Variants in ERCC6L2 observed in about 807,000 individuals in gnomAD.
ERCC6L2 encodes the protein ERCC excision repair 6 like 2, also known as DNA excision repair protein ERCC-6-like 2.
Under a neutral mutation model 132.0 loss-of-function variants are expected in ERCC6L2, and 77 were observed. That is an observed-to-expected ratio of 0.58 (90% CI 0.49 to 0.71). The LOEUF (loss-of-function observed/expected upper bound fraction) is 0.71, where lower values mean the gene tolerates loss of function less well. Ranked by LOEUF, ERCC6L2 falls within the 30% of genes least tolerant of loss-of-function variation. The pLI, the probability that ERCC6L2 is intolerant of heterozygous loss-of-function variation, is 0.00. For synonymous variants in ERCC6L2, 583 were observed against 632.4 expected (o/e 0.92, Z 1.17); for missense variants, 1,542 against 1,837.6 (o/e 0.84, Z 2.94).
rs1420521103 is a variant in ERCC6L2, at chr9:95,923,379, G to C, written c.1533G>C (p.Lys511Asn). The change falls in exon 9 of 19, where the codon AAG (lysine) becomes AAC (asparagine). Residue 511 changes from lysine to asparagine, a missense_variant and splice_region_variant. Lys to Asn is a moderately conservative substitution (Grantham distance 94, BLOSUM62 0). Transcript: ENST00000653738. ...ACCCTAAATACAGTGGAAAAATGAA[G>C]GTAAGTGCTCCTCTTTCAGGTTGCA... ...LSDPKYSGKM[K>N]VLQQLLNHCR... The C allele has an allele frequency of 3.1e-6, 5 of 1,612,636 alleles. No homozygotes were observed. The Admixed American group carries it at 8.3e-5, about 27-fold the overall frequency.
chr9:95,913,394 A>C lies in ERCC6L2; in HGVS notation c.789-2274A>C, dbSNP rs529306478. ...CTAATTTTTGGAGTAAGAAGTTAGC[A>C]TAATGGTCATCTACAATGGTGGCAA... On this transcript the variant is annotated intron_variant, in intron 4 of 18. Transcript: ENST00000653738. 2.3e-4 allele frequency among the ~76,000 whole-genome samples: 35 copies of C among 152,308 alleles called. No homozygotes were observed. The South Asian group carries it at 7.0e-3, about 31-fold the overall frequency.
At chr9:95,892,152 T>G (rs1828205260) in intron 2 of ERCC6L2, among the ~76,000 whole-genome samples, 1 of 152,150 alleles carries the variant, frequency 6.6e-6, no homozygotes, top group African/African-American at 2.4e-5. Context: ...CTACTCCTTG[T>G]TTTTTTCACT....
intron 12 of ERCC6L2, among the ~76,000 whole-genome samples, chr9:95,944,875 C>T (rs1830978068): frequency 6.6e-6 from 1 of 152,084 alleles, no homozygotes; most frequent in South Asian, 2.1e-4. Context: ...GTGTGGGTCA[C>T]AGAGATCACA....
At chr9:95,983,251 T>A (rs1473403069) in intron 17 of ERCC6L2, among the ~76,000 whole-genome samples, 2 of 152,186 alleles carry the variant, frequency 1.3e-5, no homozygotes, top group Non-Finnish European at 2.9e-5. Flanking sequence ...TGAAAAATGC[T>A]ATAGAGAAAA....
At chr9:95,899,600 A>ATATATGTGTGTG (rs746946004) in intron 3 of ERCC6L2, among the ~76,000 whole-genome samples, 79 of 134,890 alleles carry the variant, frequency 5.9e-4, no homozygotes, top group African/African-American at 1.9e-3. Flanking sequence ...TTATATATAT[A>ATATATGTGTGTG]TGTGTGTGTG....
chr9:95,899,661 T>TCA (rs1454938895), intron 3 of ERCC6L2, among the ~76,000 whole-genome samples: 11 of 149,992 alleles, frequency 7.3e-5, no homozygotes, highest in African/African-American at 2.5e-4. Flanking sequence ...ATGTATCATA[T>TCA]CACACACACA....
intron 8 of ERCC6L2, 66 bp downstream of exon 8, chr9:95,922,484 T>C (rs895359832): frequency 2.1e-6 from 2 of 947,684 alleles, no homozygotes; most frequent in Admixed American, 5.7e-5. Flanking sequence ...AGTTTTAAAA[T>C]AGTTATTAAA....
intron 13 of ERCC6L2, among the ~76,000 whole-genome samples, chr9:95,965,250 T>C (rs1440838392): frequency 6.6e-6 from 1 of 152,190 alleles, no homozygotes; most frequent in Non-Finnish European, 1.5e-5. Flanking sequence ...ATGACACTTC[T>C]TAGCTGGCAG....
chr9:95,881,939 G>A (rs570656644), intron 2 of ERCC6L2, among the ~76,000 whole-genome samples: 15 of 152,312 alleles, frequency 9.8e-5, no homozygotes, highest in South Asian at 2.1e-4. Context: ...TCCAGCTGCC[G>A]CCTAGCCTGG....
At chr9:95,978,259 T>C in intron 17 of ERCC6L2, 44 bp downstream of exon 17, 1 of 1,246,850 alleles carries the variant, frequency 8.0e-7, no homozygotes, top group Non-Finnish European at 1.1e-6. Flanking sequence ...TACCTCATTT[T>C]TCACAGAAGT....
intron 9 of ERCC6L2, among the ~76,000 whole-genome samples, chr9:95,927,440 A>G: frequency 6.6e-6 from 1 of 152,192 alleles, no homozygotes; most frequent in East Asian, 1.9e-4. Context: ...TAAAAGTAAC[A>G]GTGTGACTGT....
At position 95,952,398 on chromosome 9, in the gene ERCC6L2, ATAC is replaced by A. The variant is rs1157434377; in HGVS notation, c.1848-3515_1848-3513del. Among the ~76,000 whole-genome samples the A allele has an allele frequency of 5.3e-5, 8 of 152,280 alleles. No homozygotes were observed. The East Asian group carries it at 1.5e-3, about 29-fold the overall frequency. ...ATTTCAGCAGCATATTGAAAGGATG[ATAC>A]ACAGAGTAGGATTTATTCCTGGAAT... On this transcript the variant is annotated intron_variant, in intron 12 of 18. Transcript: ENST00000653738.
intron 4 of ERCC6L2, among the ~76,000 whole-genome samples, chr9:95,914,598 C>T (rs538738445): frequency 1.2e-4 from 18 of 152,220 alleles, no homozygotes; most frequent in Admixed American, 5.9e-4. Context: ...GTGATCCACC[C>T]GCCTCAGCCT....
At chr9:95,958,996 A>G (rs1206981470) in intron 13 of ERCC6L2, among the ~76,000 whole-genome samples, 1 of 151,514 alleles carries the variant, frequency 6.6e-6, no homozygotes, top group Non-Finnish European at 1.5e-5. Flanking sequence ...CAAGCTACCA[A>G]TGACTTTCTT....
At chr9:96,002,740 G>A (rs1564297488) in intron 17 of ERCC6L2, among the ~76,000 whole-genome samples, 2 of 152,018 alleles carry the variant, frequency 1.3e-5, no homozygotes, top group Non-Finnish European at 2.9e-5. Context: ...GGCCTAATTT[G>A]GCATTTCTTT....
intron 2 of ERCC6L2, among the ~76,000 whole-genome samples, chr9:95,893,212 A>C (rs890683322): frequency 1.3e-5 from 2 of 152,214 alleles, no homozygotes; most frequent in African/African-American, 2.4e-5. Context: ...AGGAATGCTA[A>C]GTGTAATGCC....
intron 4 of ERCC6L2, 122 bp downstream of exon 4, chr9:95,907,393 C>A: frequency 1.3e-6 from 1 of 765,914 alleles, no homozygotes; most frequent in Non-Finnish European, 1.9e-6. Flanking sequence ...TTAGTAAAGA[C>A]GGAGTTTCGC....
In ERCC6L2 at chr9:96,015,909, A is replaced by T. The variant is rs1037233751; in HGVS notation, c.*2706A>T. 3.3e-5 allele frequency among the ~76,000 whole-genome samples: 5 copies of T among 152,246 alleles called. No individual in the cohort carries two copies. The highest frequency in any genetic ancestry group is 1.2e-4 in the African/African-American group (5 of 41,478). The stretch of plus-strand genomic sequence containing the variant: ...TGTCAGTGAAATATTTATCACTATT[A>T]TGTAGGAAAGTGTGTCAGGTGGAAT... On this transcript the variant is annotated 3_prime_UTR_variant, in exon 19 of 19. Coordinates refer to ENST00000653738, the MANE Select transcript of ERCC6L2 (RefSeq NM_020207.7).
chr9:95,982,714 T>C (rs1273074225), intron 17 of ERCC6L2, among the ~76,000 whole-genome samples: 1 of 151,920 alleles, frequency 6.6e-6, no homozygotes, highest in Non-Finnish European at 1.5e-5. Flanking sequence ...AATATGTGTA[T>C]ATATATATAT....
Sources: gnomAD v4.1 joint callset for allele counts (sites outside exome capture counted in the v4.1 genomes callset) on GRCh38, gnomAD v4.1.1 for gene constraint, MANE v1.5 for transcripts, NCBI Gene and HGNC (gene_info 2026-07-23, HGNC 2026-07-21) for gene names.